The following RUNDC3A variants were observed in gnomAD, a reference collection of about 807,000 sequenced individuals.
The protein encoded by RUNDC3A is RUN domain-containing protein 3A.
RUNDC3A carries 28 observed loss-of-function variants against 53.9 expected under a neutral mutation model. That is an observed-to-expected ratio of 0.52 (90% CI 0.38 to 0.71). RUNDC3A has a LOEUF of 0.71. RUNDC3A is among the 30% of genes least tolerant of loss of function. The pLI, the probability that RUNDC3A is intolerant of heterozygous loss-of-function variation, is 0.00. For synonymous variants in RUNDC3A, 232 were observed against 249.4 expected, an observed-to-expected ratio of 0.93 and a Z score of 0.66; for missense variants, 491 against 597.3, an observed-to-expected ratio of 0.82 and a Z score of 1.85.
At chr17:44,313,323 C>G (rs1259013175) in intron 3 of RUNDC3A, 71 bp downstream of exon 3, 28 of 1,606,214 alleles carry the variant, frequency 1.7e-5, no homozygotes, top group African/African-American at 2.7e-5. Flanking sequence ...TTGGTTTTTG[C>G]CCCCTGTGCA....
intron 1 of RUNDC3A, chr17:44,310,742 C>T (rs746274861): frequency 1.8e-5 from 18 of 985,378 alleles, no homozygotes; most frequent in Non-Finnish European, 2.2e-5. Flanking sequence ...GGGCAATGAC[C>T]ACCTCTGCGG....
intron 10 of RUNDC3A, 168 bp downstream of exon 10, chr17:44,316,893 G>A (rs897124421): frequency 3.8e-6 from 2 of 522,960 alleles, no homozygotes; most frequent in Non-Finnish European, 6.6e-6. Context: ...CGCAATCTCA[G>A]CTCATTGCAA....
chr17:44,315,053 G>T lies in RUNDC3A; in HGVS notation c.629+44G>T. On this transcript the variant is annotated intron_variant, in intron 6 of 10. Coordinates refer to ENST00000426726, the MANE Select transcript of RUNDC3A (RefSeq NM_001144825.2). This position sits in a 1 kb window ranked among gnomAD's most constrained non-coding sequence, Gnocchi z 6.1. The stretch of plus-strand genomic sequence containing the variant: ...GCGGCGGGGCGGGGGACGGGGCCTC[G>T]GGACATCCTGGGGACGTCCTGGTCC... The T allele has an allele frequency of 6.2e-7, 1 of 1,611,388 alleles. No homozygotes were observed. Among genetic ancestry groups the T allele is most frequent in the South Asian group, 1.1e-5 (1 of 91,036 alleles).
intron 1 of RUNDC3A, chr17:44,311,257 A>G: frequency 2.0e-6 from 2 of 985,504 alleles, no homozygotes; most frequent in Non-Finnish European, 2.4e-6. Flanking sequence ...AAGGCTGGAG[A>G]CTTGCAGAGT....
intron 1 of RUNDC3A, among the ~76,000 whole-genome samples, chr17:44,310,295 T>G (rs527701430): frequency 1.3e-5 from 2 of 151,816 alleles, no homozygotes; most frequent in East Asian, 3.9e-4. Context: ...AATGGCACCA[T>G]CCATGTAGGA....
intron 4 of RUNDC3A, 151 bp from the exon 5 acceptor site, chr17:44,314,584 G>C (rs1282501065): frequency 2.1e-6 from 3 of 1,450,634 alleles, no homozygotes; most frequent in Non-Finnish European, 2.7e-6. Flanking sequence ...AGGCTGAAGG[G>C]GGAGAGAGGC....
In RUNDC3A at chr17:44,315,210, G is replaced by T; in HGVS notation, c.685G>T (p.Glu229Ter). ...GCACAGCGCCGAGAGCAGCACGAGCGAGGACAACTCGCCCGAGCACCCGTA... is the reference window on the plus strand; with the variant it reads ...GCACAGCGCCGAGAGCAGCACGAGCTAGGACAACTCGCCCGAGCACCCGTA... Reference protein sequence around the residue: ...ERHSAESSTSEDNSPEHPYLP... With the variant: ...ERHSAESSTS The change falls in exon 7 of 11, where the codon GAG becomes TAG. Residue 229 changes from glutamate (E) to a stop codon, truncating the protein, a stop_gained. Coordinates refer to ENST00000426726, the MANE Select transcript of RUNDC3A (RefSeq NM_001144825.2). LOFTEE classifies it high-confidence loss of function. This position sits in a 1 kb window ranked among gnomAD's most constrained non-coding sequence, Gnocchi z 6.1. The T allele has an allele frequency of 6.4e-7, 1 of 1,554,552 alleles. No homozygotes were observed. Among genetic ancestry groups the T allele is most frequent in the Non-Finnish European group, 8.7e-7 (1 of 1,148,842 alleles).
At chr17:44,316,102 G>A (rs1266400108) in intron 8 of RUNDC3A, among the ~76,000 whole-genome samples, 1 of 151,842 alleles carries the variant, frequency 6.6e-6, no homozygotes, top group Non-Finnish European at 1.5e-5. Context: ...ACACTTCAGG[G>A]ATTCCCACAC....
chr17:44,310,674 T>C lies in RUNDC3A; in HGVS notation c.107+1735T>C, dbSNP rs1030120891. The C allele has an allele frequency of 8.1e-6, 8 of 985,114 alleles. No individual in the cohort carries two copies. In the African/African-American group the frequency reaches 1.2e-4, roughly 15 times the overall value. The allele number at this position is 985,114 out of a possible 1,614,324, so 61.0% of individuals were successfully genotyped here. A position where few individuals can be genotyped will look rare whatever the true frequency, so the allele number is the denominator to read the frequency against. Reference sequence around the variant, plus strand: ...CTGGGCCCTGGCCTCCCTGTCTCCATGGTAACCTGCAGCAGCCACTGCATC... The same window carrying C: ...CTGGGCCCTGGCCTCCCTGTCTCCACGGTAACCTGCAGCAGCCACTGCATC... On this transcript the variant is annotated intron_variant, in intron 1 of 10. Transcript: ENST00000426726.
Position 44,315,686 on chromosome 17 carries a change from C to A in RUNDC3A, c.953+77C>A, listed in dbSNP as rs1028282010. ...ACCGGGTGAACCCCATCTTCACTTC[C>A]ATCGACTCTAACATCACCCGACACG... On this transcript the variant is annotated intron_variant, in intron 8 of 10. Coordinates refer to ENST00000426726, the MANE Select transcript of RUNDC3A (RefSeq NM_001144825.2). The surrounding 1 kb of genome is among the most constrained non-coding windows in gnomAD (Gnocchi z 6.1). The A allele has an allele frequency of 3.8e-5, 47 of 1,240,984 alleles. No individual in the cohort carries two copies. Among genetic ancestry groups the A allele is most frequent in the African/African-American group, 6.3e-5 (4 of 63,182 alleles). 76.9% of individuals were successfully genotyped at this position (1,240,984 alleles called of 1,614,324 possible).
chr17:44,314,897 C>T (rs1408119592), intron 5 of RUNDC3A, 32 bp from the exon 6 acceptor site: 1 of 1,614,030 alleles, frequency 6.2e-7, no homozygotes, highest in South Asian at 1.1e-5. Context: ...CCCCTCACAC[C>T]CACCTCCAAC....
intron 2 of RUNDC3A, 62 bp downstream of exon 2, chr17:44,312,757 C>T: frequency 3.0e-6 from 2 of 657,830 alleles, no homozygotes; most frequent in East Asian, 3.1e-5. Context: ...AGTGGTCCCT[C>T]CCCCAGCGCC....
At chr17:44,313,315 G>T in intron 3 of RUNDC3A, 63 bp downstream of exon 3, 2 of 1,607,470 alleles carry the variant, frequency 1.2e-6, no homozygotes, top group Non-Finnish European at 1.7e-6. Context: ...CCTGTTTCTT[G>T]GTTTTTGCCC....
At chr17:44,317,623 T>G (rs1326600157) in intron 10 of RUNDC3A, 32 of 747,754 alleles carry the variant, frequency 4.3e-5, no homozygotes, top group African/African-American at 2.9e-4. Flanking sequence ...ATCCTGTCTT[T>G]TCTTTTTTAT....
intron 1 of RUNDC3A, chr17:44,310,848 A>G: frequency 1.0e-6 from 1 of 985,492 alleles, no homozygotes; most frequent in Non-Finnish European, 1.2e-6. Context: ...TCAAGCTGGC[A>G]GGAGGGTGCG....
Position 44,316,707 on chromosome 17 carries a change from G to A in RUNDC3A, c.1180G>A (p.Glu394Lys). The change falls in exon 10 of 11, where the codon GAG becomes AAG. Residue 394 changes from glutamate (E) to lysine (K), a missense_variant. Glu to Lys is a moderately conservative substitution (Grantham distance 56). Transcript: ENST00000426726. ...CCTGGGAGAGGGCACGCGGGACGAG[G>A]AGCCCTGGGGTCCCATCGGTGAGCT... ...QRLGEGTRDE[E>K]PWGPIGKDPT... is the part of the protein sequence containing the mutation. 2 of 1,549,058 alleles carry A rather than the reference G, an allele frequency of 1.3e-6. No individual in the cohort carries two copies. The highest frequency in any genetic ancestry group is 1.7e-6 in the Non-Finnish European group (2 of 1,146,760).
intron 10 of RUNDC3A, 91 bp downstream of exon 10, chr17:44,316,816 T>C (rs1385038368): frequency 1.4e-6 from 1 of 702,696 alleles, no homozygotes; most frequent in Non-Finnish European, 2.2e-6. Flanking sequence ...TTCATTCTCT[T>C]AGTCTTTTTT....
chr17:44,309,033 G>GGGA, intron 1 of RUNDC3A, 94 bp downstream of exon 1: 2 of 853,258 alleles, frequency 2.3e-6, no homozygotes, highest in Non-Finnish European at 3.6e-6. Flanking sequence ...GCGGAGAAAA[G>GGGA]GGAGGGGAGA....
Position 44,315,332 on chromosome 17 carries a change from C to CGGCGGGCCCGGGGGGCG in RUNDC3A, c.795+21_795+37dup. On this transcript the variant is annotated intron_variant, in intron 7 of 10. Coordinates refer to ENST00000426726, the MANE Select transcript of RUNDC3A (RefSeq NM_001144825.2). The surrounding 1 kb of genome is among the most constrained non-coding windows in gnomAD (Gnocchi z 6.1). ...TCTACGCGCAGAAGGTGCGCGACGC[C>CGGCGGGCCCGGGGGGCG]GGCGGGCCCGGGGGGCGGGCGGGCC... 8.4e-7 allele frequency: 1 copy of CGGCGGGCCCGGGGGGCG among 1,187,224 alleles called. No homozygotes were observed. The highest frequency in any genetic ancestry group is 1.1e-6 in the Non-Finnish European group (1 of 937,380). The allele number at this position is 1,187,224 out of a possible 1,614,324, so 73.5% of individuals were successfully genotyped here. A position where few individuals can be genotyped will look rare whatever the true frequency, so the allele number is the denominator to read the frequency against.
Sources: allele counts gnomAD v4.1 joint callset (sites outside exome capture counted in the v4.1 genomes callset), GRCh38; gene constraint gnomAD v4.1.1; non-coding constraint Gnocchi (gnomAD v3.1); transcripts MANE v1.5; gene names NCBI Gene and HGNC (gene_info 2026-07-23, HGNC 2026-07-21).